BCAP29: variants seen among roughly 807,000 people sequenced by gnomAD.
BCAP29 encodes the protein B-cell receptor-associated protein 29.
A neutral mutation model predicts 31.8 loss-of-function variants in BCAP29; 34 were observed. The ratio of observed to expected loss-of-function variants is 1.07; its 90% CI spans 0.81 to 1.42. The LOEUF is 1.42. Ranked by LOEUF, BCAP29 falls within the 40% of genes most tolerant of loss-of-function variation. The probability of loss-of-function intolerance (pLI) is 0.00; values close to 1 mark genes in which losing one functional copy is unlikely to be tolerated. For missense variants in BCAP29, 314 were observed against 269.2 expected, an observed-to-expected ratio of 1.17 and a Z score of -1.16; for synonymous variants, 104 against 91.3, an observed-to-expected ratio of 1.14 and a Z score of -0.79.
At chr7:107,582,777 A>T (rs1186232449) in intron 2 of BCAP29, among the ~76,000 whole-genome samples, 1 of 152,166 alleles carries the variant, frequency 6.6e-6, no homozygotes, top group Non-Finnish European at 1.5e-5. Flanking sequence ...CTTTTACACC[A>T]CACCAAACCT....
chr7:107,622,089 T>TCGTTGC, downstream of BCAP29: 1 of 422,808 alleles, frequency 2.4e-6, no homozygotes, highest in Non-Finnish European at 4.7e-6. Flanking sequence ...TTTGCCATTG[T>TCGTTGC]CGTTGCCATT....
chr7:107,602,732 A>G (rs1811376627), intron 6 of BCAP29, among the ~76,000 whole-genome samples: 1 of 152,078 alleles, frequency 6.6e-6, no homozygotes, highest in African/African-American at 2.4e-5. Flanking sequence ...GGCATTCTGA[A>G]GGCAGCTACT....
chr7:107,589,701 G>A (rs1426820918), intron 3 of BCAP29, among the ~76,000 whole-genome samples: 1 of 152,174 alleles, frequency 6.6e-6, no homozygotes, highest in East Asian at 1.9e-4. Flanking sequence ...AAGGGCACAT[G>A]AATATACTAA....
At chr7:107,587,728 T>G (rs1807970327) in intron 3 of BCAP29, 1 of 151,978 alleles carries the variant, frequency 6.6e-6, no homozygotes. Flanking sequence ...TAGAAAAATA[T>G]GATTTACCAA....
At chr7:107,582,786 C>G (rs993326594) in intron 2 of BCAP29, among the ~76,000 whole-genome samples, 3 of 152,100 alleles carry the variant, frequency 2.0e-5, no homozygotes, top group African/African-American at 7.2e-5. Flanking sequence ...CACACCAAAC[C>G]TTGAAGAAAT....
rs561571958 is a variant in BCAP29 at position 107,609,489 on chromosome 7, G to A, written c.590-3843G>A. ...TGGAGTGGAAGGTATGGATTGGAGA[G>A]CTATAAAGGAACTTAACAGCTATCA... On this transcript the variant is annotated intron_variant, in intron 6 of 7. Transcript: ENST00000005259. Among the ~76,000 whole-genome samples the A allele has an allele frequency of 5.3e-5, 8 of 152,328 alleles. 2 individuals are homozygous for A. The highest frequency in any genetic ancestry group is 1.9e-4 in the African/African-American group (8 of 41,574).
chr7:107,585,118 C>T (rs1807398828), intron 3 of BCAP29, among the ~76,000 whole-genome samples: 1 of 152,150 alleles, frequency 6.6e-6, no homozygotes, highest in Admixed American at 6.5e-5. Context: ...TGAAATGCCC[C>T]TTCTTGCACA....
intron 3 of BCAP29, among the ~76,000 whole-genome samples, chr7:107,591,641 T>TACACACACACACACACACGCACACAC (rs924671499): frequency 2.4e-5 from 1 of 41,748 alleles, no homozygotes; most frequent in Non-Finnish European, 7.6e-5. Context: ...CATACACACA[T>TACACACACACACACACACGCACACAC]ACACACACAC....
In BCAP29 at chr7:107,613,375, G is replaced by C; in HGVS notation, c.633G>C (p.Gln211His). 1 of 1,613,264 alleles carries C rather than the reference G, an allele frequency of 6.2e-7. No individual in the cohort carries two copies. The highest frequency in any genetic ancestry group is 8.5e-7 in the Non-Finnish European group (1 of 1,179,382). Residue 211 changes from glutamine (Q) to histidine (H), a missense_variant, in exon 7 of 8, where the codon CAG (glutamine) becomes CAC (histidine). By Grantham distance (24) the Gln-to-His change is conservative. Transcript: ENST00000005259. ...AQNDVMEMKMQSERLSKEYDQ... is the reference protein window; with the variant it reads ...AQNDVMEMKMHSERLSKEYDQ... ...ATGATGTGATGGAAATGAAGATGCA[G>C]TCAGAGAGACTTTCGAAAGAATATG... is the stretch of plus-strand genomic sequence containing the variant.
chr7:107,610,234 T>C (rs904167512), intron 6 of BCAP29, among the ~76,000 whole-genome samples: 3 of 152,234 alleles, frequency 2.0e-5, no homozygotes, highest in Non-Finnish European at 4.4e-5. Context: ...CAGTCTCTTA[T>C]TGAATCTAGC....
In BCAP29 at chr7:107,594,085, A is replaced by G; in HGVS notation, c.324A>G (p.Gly108=). The G allele has an allele frequency of 6.2e-7, 1 of 1,610,754 alleles. No individual in the cohort carries two copies. The change falls in exon 4 of 8, where the codon GGA becomes GGG. Residue 108 remains glycine (G), a synonymous_variant. Coordinates refer to ENST00000005259, the MANE Select transcript of BCAP29 (RefSeq NM_018844.4). The part of the protein sequence containing the change: ...FRSQRNLYIS[G]FSLFFWLVLR... The stretch of plus-strand genomic sequence containing the variant: ...CTCAAAGAAATCTTTACATTTCTGG[A>G]TTTTCCCTATTTTTTTGGCTGTAAG...
chr7:107,622,965 A>G (rs938422823), downstream of BCAP29: 1 of 152,192 alleles, frequency 6.6e-6, no homozygotes, highest in Non-Finnish European at 1.5e-5. Context: ...ACAGCTGTCA[A>G]GCATAAAGAT....
At chr7:107,583,853 A>G (rs748224430) in intron 2 of BCAP29, 29 bp from the exon 3 acceptor site, 1 of 1,188,912 alleles carries the variant, frequency 8.4e-7, no homozygotes, top group African/African-American at 1.6e-5. Context: ...TAGTTTTTTT[A>G]TACCTAATAT....
At position 107,594,119 on chromosome 7, in the gene BCAP29, A is replaced by C. The variant is rs374542711; in HGVS notation, c.344+14A>C. 9 of 1,577,690 alleles carry C rather than the reference A, an allele frequency of 5.7e-6. No individual in the cohort carries two copies. Among genetic ancestry groups the C allele is most frequent in the African/African-American group, 1.4e-5 (1 of 73,732 alleles). On this transcript the variant is annotated intron_variant, in intron 4 of 7. Transcript: ENST00000005259. ...ATTTTTTTGGCTGTAAGTAAAAAAT[A>C]ATAATAGAAGCACAATTTAAAAACA...
intron 6 of BCAP29, among the ~76,000 whole-genome samples, chr7:107,606,361 T>C (rs1812092135): frequency 6.6e-6 from 1 of 152,254 alleles, no homozygotes; most frequent in African/African-American, 2.4e-5. Context: ...AGAATTATTT[T>C]CATTGTTGGC....
Position 107,614,105 on chromosome 7 carries a change from C to T in BCAP29, c.690+673C>T, listed in dbSNP as rs571581456. Among the ~76,000 whole-genome samples the T allele has an allele frequency of 2.0e-5, 3 of 152,338 alleles. No individual in the cohort carries two copies. The South Asian group carries it at 6.2e-4, about 32-fold the overall frequency. On this transcript the variant is annotated intron_variant, in intron 7 of 7. Transcript: ENST00000005259. Reference sequence around the variant, plus strand: ...GGAAGAGACCATTCCAGAGACAGCCCTGGCCTTCCCTCCCAGTTTCTCCCA... The same window carrying T: ...GGAAGAGACCATTCCAGAGACAGCCTTGGCCTTCCCTCCCAGTTTCTCCCA...
intron 7 of BCAP29, among the ~76,000 whole-genome samples, chr7:107,616,982 G>A (rs867849876): frequency 9.9e-5 from 15 of 152,154 alleles, no homozygotes; most frequent in East Asian, 3.9e-4. Context: ...CAAGCGATCC[G>A]CCCACCTGGG....
At chr7:107,583,022 A>G (rs150786152) in intron 2 of BCAP29, among the ~76,000 whole-genome samples, 10 of 152,282 alleles carry the variant, frequency 6.6e-5, no homozygotes, top group Admixed American at 2.0e-4. Flanking sequence ...TCCTAATCTT[A>G]AAGTGAAACT....
Position 107,599,248 on chromosome 7 carries a change from TATATATA to T in BCAP29, c.481-1146_481-1140del, listed in dbSNP as rs1300723254. 8.4e-4 allele frequency among the ~76,000 whole-genome samples: 108 copies of T among 128,018 alleles called. 7 individuals are homozygous for T. The highest frequency in any genetic ancestry group is 3.2e-3 in the African/African-American group (105 of 32,440). 84.0% of individuals were successfully genotyped at this position (128,018 alleles called of 152,430 possible). A position where few individuals can be genotyped will look rare whatever the true frequency, so the allele number is the denominator to read the frequency against. ...ATAATTATATATATTTATATATAAA[TATATATA>T]ATTTTTATATATATATTTATATATA... On this transcript the variant is annotated intron_variant, in intron 5 of 7. Transcript: ENST00000005259.
Sources: gnomAD v4.1 joint callset for allele counts (sites outside exome capture counted in the v4.1 genomes callset) on GRCh38, gnomAD v4.1.1 for gene constraint, MANE v1.5 for transcripts, NCBI Gene and HGNC (gene_info 2026-07-23, HGNC 2026-07-21) for gene names.